The following IL17REL variants were observed in gnomAD, a reference collection of about 807,000 sequenced individuals.
IL17REL encodes the protein interleukin 17 receptor E like, also known as interleukin-17 receptor E-like protein.
Under a neutral mutation model 49.0 loss-of-function variants are expected in IL17REL, and 36 were observed. The observed-to-expected ratio is 0.73, with a 90% confidence interval of 0.56 to 0.97. IL17REL has a LOEUF of 0.97. Ranked by LOEUF, IL17REL falls within the 50% of genes least tolerant of loss-of-function variation. The pLI, the probability that IL17REL is intolerant of heterozygous loss-of-function variation, is 0.00. For missense variants in IL17REL, 470 were observed against 453.9 expected (o/e 1.04, Z -0.32); for synonymous variants, 206 against 192.4 (o/e 1.07, Z -0.58).
intron 1 of IL17REL, among the ~76,000 whole-genome samples, chr22:50,007,327 A>G (rs1349285530): frequency 6.6e-6 from 1 of 152,132 alleles, no homozygotes; most frequent in African/African-American, 2.4e-5. Context: ...AGGAGACTCC[A>G]TAGGAAATCT....
At chr22:49,996,130 C>T (rs113834772) in exon 13 of IL17REL, 2 of 152,314 alleles carry the variant, frequency 1.3e-5, no homozygotes, top group Non-Finnish European at 2.9e-5. Flanking sequence ...GGCTGTGGCT[C>T]AGCTGAGCTG....
exon 3 of IL17REL, chr22:50,000,842 G>T: frequency 6.3e-7 from 1 of 1,585,402 alleles, no homozygotes; most frequent in East Asian, 2.3e-5. Context: ...CATGGCACAG[G>T]CCTCCAGGCC....
At chr22:50,005,564 G>A (rs1228705933) in intron 1 of IL17REL, among the ~76,000 whole-genome samples, 2 of 152,146 alleles carry the variant, frequency 1.3e-5, no homozygotes, top group African/African-American at 2.4e-5. Context: ...CACTTCGGGA[G>A]GTCGAGGCGG....
Position 49,998,133 on chromosome 22 carries a change from T to G in IL17REL, c.774+4A>C. On this transcript the variant is annotated splice_donor_region_variant and intron_variant, in intron 8 of 12. Transcript: ENST00000341280. ...ACCCCCATCCCTGCTGAGCAGGCAC[T>G]CACTCTGCGATGCACCAGCTGGCTG... The G allele has an allele frequency of 1.2e-6, 2 of 1,602,250 alleles. No individual in the cohort carries two copies. Among genetic ancestry groups the G allele is most frequent in the Non-Finnish European group, 1.7e-6 (2 of 1,174,648 alleles).
chr22:50,004,705 A>G (rs186555450), intron 1 of IL17REL, among the ~76,000 whole-genome samples: 1 of 151,954 alleles, frequency 6.6e-6, no homozygotes, highest in Admixed American at 6.6e-5. Flanking sequence ...TACTAAAAAT[A>G]CAAAAATTTG....
In IL17REL at chr22:50,001,243, G is replaced by A. The variant is rs999339503; in HGVS notation, c.-41-12C>T. 1 of 1,205,032 alleles carries A rather than the reference G, an allele frequency of 8.3e-7. No individual in the cohort carries two copies. The highest frequency in any genetic ancestry group is 1.5e-5 in the African/African-American group (1 of 66,352). 74.6% of individuals were successfully genotyped at this position (1,205,032 alleles called of 1,614,324 possible). A position where few individuals can be genotyped will look rare whatever the true frequency, so the allele number is the denominator to read the frequency against. On this transcript the variant is annotated splice_polypyrimidine_tract_variant and intron_variant, in intron 1 of 12. Coordinates refer to ENST00000341280, the Ensembl canonical transcript of IL17REL. ...GTTAAAAATGTTCCCTGGGGAGGGA[G>A]AAGGAGCGTGAGGCCTCGAGTTCCC...
At chr22:49,994,882 G>T (rs2061025654) in exon 13 of IL17REL, 1 of 152,424 alleles carries the variant, frequency 6.6e-6, no homozygotes, top group Non-Finnish European at 1.5e-5. Context: ...GGCACCCCTG[G>T]CTGGGACCTG....
At chr22:50,003,831 C>T (rs2146753421) in intron 1 of IL17REL, among the ~76,000 whole-genome samples, 1 of 152,272 alleles carries the variant, frequency 6.6e-6, no homozygotes, top group Non-Finnish European at 1.5e-5. Flanking sequence ...GATCCCTGCT[C>T]TTCTCACTTC....
At chr22:50,001,544 G>A (rs1292188779) in intron 1 of IL17REL, among the ~76,000 whole-genome samples, 1 of 152,220 alleles carries the variant, frequency 6.6e-6, no homozygotes, top group Non-Finnish European at 1.5e-5. Flanking sequence ...AGCCCACCAC[G>A]ACTTGCTGGC....
intron 1 of IL17REL, among the ~76,000 whole-genome samples, chr22:50,001,987 C>A (rs944459108): frequency 6.6e-6 from 1 of 152,214 alleles, no homozygotes; most frequent in East Asian, 1.9e-4. Context: ...GAACACAGCA[C>A]CCTGCTGAGG....
chr22:50,012,031 G>C (rs1013034159), upstream of IL17REL, among the ~76,000 whole-genome samples: 33 of 152,176 alleles, frequency 2.2e-4, no homozygotes, highest in African/African-American at 7.7e-4. Context: ...TGGGATGCTG[G>C]GTACACTTCC....
chr22:50,011,509 C>T (rs2061141315), upstream of IL17REL, among the ~76,000 whole-genome samples: 1 of 152,082 alleles, frequency 6.6e-6, no homozygotes. Flanking sequence ...CATTTCCTCC[C>T]AGAGGCAAAA....
chr22:50,000,698 G>C, intron 3 of IL17REL, 56 bp downstream of exon 4: 1 of 1,530,280 alleles, frequency 6.5e-7, no homozygotes, highest in Non-Finnish European at 8.9e-7. Flanking sequence ...TGGCGCCCAG[G>C]AGGAGTGGCG....
intron 7 of IL17REL, among the ~76,000 whole-genome samples, chr22:49,998,927 CTG>C (rs1220069478): frequency 6.6e-6 from 1 of 150,544 alleles, no homozygotes; most frequent in Non-Finnish European, 1.5e-5. Flanking sequence ...TCATGGGTGT[CTG>C]TGCATGTGTA....
rs550661826 is a variant in IL17REL, at chr22:50,004,276, G to A, written c.-41-3045C>T. Among the ~76,000 whole-genome samples, 71 of 152,176 alleles carry A rather than the reference G, an allele frequency of 4.7e-4. 1 individual carries two copies. The highest frequency in any genetic ancestry group is 1.4e-3 in the African/African-American group (60 of 41,540). ...TAATTTGTGGTGGAGACAGGGTTTCGCCATGTTGGCCAGGCTGGTCTTGAA... is the reference window on the plus strand; with the variant it reads ...TAATTTGTGGTGGAGACAGGGTTTCACCATGTTGGCCAGGCTGGTCTTGAA... On this transcript the variant is annotated intron_variant, in intron 1 of 12. Transcript: ENST00000341280.
At chr22:50,006,471 TGA>T (rs2061111082) in intron 1 of IL17REL, among the ~76,000 whole-genome samples, 1 of 151,652 alleles carries the variant, frequency 6.6e-6, no homozygotes, top group Admixed American at 6.6e-5. Flanking sequence ...GAGCCCAGAG[TGA>T]CGCTGTGGAG....
chr22:49,998,010 G>T lies in IL17REL; in HGVS notation c.819+15C>A. The T allele has an allele frequency of 6.3e-7, 1 of 1,595,826 alleles. No homozygotes were observed. The highest frequency in any genetic ancestry group is 8.5e-7 in the Non-Finnish European group (1 of 1,175,744). ...TCCCCAAATAGGGCACTGGCAGGCT[G>T]TGGCAGCCCCTCACCTTCAGGCAGA... On this transcript the variant is annotated intron_variant, in intron 9 of 12. Coordinates refer to ENST00000341280, the Ensembl canonical transcript of IL17REL.
chr22:49,996,858 G>A (rs191863819), exon 13 of IL17REL: 1 of 587,046 alleles, frequency 1.7e-6, no homozygotes, highest in African/African-American at 1.9e-5. Context: ...CGGTCCTCCA[G>A]CCCTGCAGGC....
intron 1 of IL17REL, among the ~76,000 whole-genome samples, chr22:50,006,100 T>C (rs560635963): frequency 3.8e-4 from 58 of 152,128 alleles, no homozygotes; most frequent in Middle Eastern, 3.4e-3. Context: ...GAGGGCTTTG[T>C]GGGGAGGCCC....
Sources: allele counts gnomAD v4.1 joint callset (sites outside exome capture counted in the v4.1 genomes callset), GRCh38; gene constraint gnomAD v4.1.1; transcripts MANE v1.5; gene names NCBI Gene and HGNC (gene_info 2026-07-23, HGNC 2026-07-21).